Variants in CUX2 observed in about 807,000 individuals in gnomAD.
CUX2 encodes cut like homeobox 2, also known as homeobox protein cut-like 2.
In CUX2, 40 loss-of-function variants were observed where a neutral mutation model predicts 144.8. The observed-to-expected ratio is 0.28, with a 90% CI of 0.21 to 0.36. The LOEUF is 0.36. Ranked by LOEUF, CUX2 falls within the 10% of genes least tolerant of loss-of-function variation. The pLI, the probability that CUX2 is intolerant of heterozygous loss-of-function variation, is 1.00. For missense variants in CUX2, 1,615 were observed against 1,994.0 expected (o/e 0.81, Z 3.62); for synonymous variants, 827 against 875.6 (o/e 0.94, Z 0.98).
chr12:111,070,530 A>G (rs1871218995), intron 1 of CUX2, among the ~76,000 whole-genome samples: 1 of 151,604 alleles, frequency 6.6e-6, no homozygotes, highest in Non-Finnish European at 1.5e-5. Context: ...CTCTGCCCCA[A>G]TATGTGCATA....
chr12:111,326,564 C>G (rs1167621534), intron 18 of CUX2, among the ~76,000 whole-genome samples: 1 of 151,862 alleles, frequency 6.6e-6, no homozygotes, highest in African/African-American at 2.4e-5. Context: ...AGCCACTGCG[C>G]CTGGTCTGTG....
intron 4 of CUX2, among the ~76,000 whole-genome samples, chr12:111,279,917 G>A (rs550745455): frequency 8.1e-4 from 124 of 152,342 alleles, no homozygotes; most frequent in Non-Finnish European, 1.2e-3. Context: ...GGGAAGTGGA[G>A]GTTGCAGTGA....
At chr12:111,053,176 C>T (rs73413505) in intron 1 of CUX2, among the ~76,000 whole-genome samples, 6,495 of 152,216 alleles carry the variant, frequency 0.043, 424 homozygotes, top group African/African-American at 0.15. Flanking sequence ...AGGAAATGAG[C>T]GCCTGTACAT....
rs1467093659 is a variant in CUX2 at position 111,149,005 on chromosome 12, G to GA, written c.64-65186dup. Among the ~76,000 whole-genome samples the GA allele has an allele frequency of 7.3e-5, 11 of 150,036 alleles. No individual in the cohort carries two copies. The South Asian group carries it at 8.4e-4, about 12-fold the overall frequency. On this transcript the variant is annotated intron_variant, in intron 1 of 21. Coordinates refer to ENST00000261726, the MANE Select transcript of CUX2 (RefSeq NM_015267.4). ...GAGCGAGACCCTGCCTCTAAGGGTG[G>GA]AAAAAAAAAGAAGTGGTAGGTAAGG...
intron 21 of CUX2, among the ~76,000 whole-genome samples, chr12:111,343,960 C>T (rs189234747): frequency 5.0e-4 from 76 of 152,088 alleles, no homozygotes; most frequent in Admixed American, 1.2e-3. Context: ...GGCTGAGACA[C>T]GAGAATCACT....
At chr12:111,063,472 T>A (rs1490588194) in intron 1 of CUX2, among the ~76,000 whole-genome samples, 1 of 152,162 alleles carries the variant, frequency 6.6e-6, no homozygotes. Context: ...CCAACCAGCA[T>A]AGGTGGCTCT....
intron 1 of CUX2, among the ~76,000 whole-genome samples, chr12:111,096,986 A>C (rs1284190277): frequency 6.6e-6 from 1 of 152,152 alleles, no homozygotes; most frequent in African/African-American, 2.4e-5. Flanking sequence ...AGAAAAAAAA[A>C]AGAAAAAGAA....
At chr12:111,305,634 C>T (rs1224003786) in intron 10 of CUX2, among the ~76,000 whole-genome samples, 1 of 151,880 alleles carries the variant, frequency 6.6e-6, no homozygotes, top group Non-Finnish European at 1.5e-5. Context: ...AGTTTGAGTC[C>T]AGCCTGGGCA....
chr12:111,065,936 C>A (rs1021199194), intron 1 of CUX2, among the ~76,000 whole-genome samples: 1 of 152,194 alleles, frequency 6.6e-6, no homozygotes, highest in Non-Finnish European at 1.5e-5. Context: ...AAGGGACAAT[C>A]AATTTGAACT....
At chr12:111,200,202 A>G (rs1880494594) in intron 1 of CUX2, among the ~76,000 whole-genome samples, 1 of 151,772 alleles carries the variant, frequency 6.6e-6, no homozygotes, top group African/African-American at 2.4e-5. Flanking sequence ...CCACAGCTGG[A>G]TCTGCACCTG....
At chr12:111,054,847 G>A (rs992508405) in intron 1 of CUX2, among the ~76,000 whole-genome samples, 2 of 152,120 alleles carry the variant, frequency 1.3e-5, no homozygotes, top group African/African-American at 2.4e-5. Context: ...GGCTGGTCTT[G>A]AACTCCTGAC....
intron 1 of CUX2, among the ~76,000 whole-genome samples, chr12:111,066,805 A>G (rs1871040345): frequency 6.6e-6 from 1 of 152,148 alleles, no homozygotes; most frequent in South Asian, 2.1e-4. Context: ...TGCCTTTTAC[A>G]AGCTGTGTGA....
chr12:111,098,261 G>T (rs1476597713), intron 1 of CUX2, among the ~76,000 whole-genome samples: 1 of 152,206 alleles, frequency 6.6e-6, no homozygotes, highest in East Asian at 1.9e-4. Context: ...TTAACCGGGT[G>T]TGGTGGTGCC....
intron 1 of CUX2, among the ~76,000 whole-genome samples, chr12:111,122,163 C>T (rs1207694619): frequency 2.6e-5 from 4 of 152,122 alleles, no homozygotes; most frequent in Non-Finnish European, 4.4e-5. Context: ...TGCCTTTAAT[C>T]CTCAACTTTA....
chr12:111,218,410 G>T (rs1051739657), intron 3 of CUX2, among the ~76,000 whole-genome samples: 2 of 152,092 alleles, frequency 1.3e-5, no homozygotes, highest in African/African-American at 4.8e-5. Context: ...CAGCTACTCC[G>T]GAGGCTAAGG....
chr12:111,308,371 C>T (rs763328801), intron 13 of CUX2, 38 bp downstream of exon 13: 3 of 1,613,894 alleles, frequency 1.9e-6, no homozygotes, highest in South Asian at 2.2e-5. Context: ...GGGCAGGCTG[C>T]CCCAGTGAGC....
At chr12:111,130,296 T>G (rs1236204228) in intron 1 of CUX2, among the ~76,000 whole-genome samples, 1 of 152,240 alleles carries the variant, frequency 6.6e-6, no homozygotes, top group Non-Finnish European at 1.5e-5. Context: ...TTTTGATCCC[T>G]TGATCTAGAA....
Position 111,322,605 on chromosome 12 carries a change from G to T in CUX2, c.2926+25G>T. The T allele has an allele frequency of 6.3e-7, 1 of 1,599,282 alleles. No homozygotes were observed. The highest frequency in any genetic ancestry group is 2.2e-5 in the East Asian group (1 of 44,712). Reference sequence around the variant, plus strand: ...GGTGAGTGCGGGCAGGAGCATCTCAGGGGGTGCTGGCAAACTTCCCACCTG... The same window carrying T: ...GGTGAGTGCGGGCAGGAGCATCTCATGGGGTGCTGGCAAACTTCCCACCTG... On this transcript the variant is annotated intron_variant, in intron 18 of 21. Coordinates refer to ENST00000261726, the MANE Select transcript of CUX2 (RefSeq NM_015267.4). The surrounding 1 kb of genome is among the most constrained non-coding windows in gnomAD (Gnocchi z 4.2).
At chr12:111,282,321 CAAAA>C (rs35466467) in intron 4 of CUX2, among the ~76,000 whole-genome samples, 1 of 119,840 alleles carries the variant, frequency 8.3e-6, no homozygotes. Flanking sequence ...AACCCCATCT[CAAAA>C]AAAAAAAAAA....
Sources: gnomAD v4.1 joint callset for allele counts (sites outside exome capture counted in the v4.1 genomes callset) on GRCh38, gnomAD v4.1.1 for gene constraint, Gnocchi (gnomAD v3.1) non-coding constraint, MANE v1.5 for transcripts, NCBI Gene and HGNC (gene_info 2026-07-23, HGNC 2026-07-21) for gene names.